The following SPEN variants were observed in gnomAD, a reference collection of about 807,000 sequenced individuals.
SPEN encodes the protein msx2-interacting protein.
In SPEN, 18 loss-of-function variants were observed where a neutral mutation model predicts 269.9. The observed-to-expected ratio is 0.07, with a 90% confidence interval of 0.05 to 0.10. The LOEUF (loss-of-function observed/expected upper bound fraction) is 0.10, where lower values mean the gene tolerates loss of function less well. Among genes scored for constraint, SPEN ranks in the 10% least tolerant of loss-of-function variants. SPEN has a pLI of 1.00. For synonymous variants in SPEN, 1,726 were observed against 1,765.7 expected (o/e 0.98, Z 0.56); for missense variants, 3,822 against 4,631.2 (o/e 0.83, Z 5.07).
rs2070304960 is a variant in SPEN, at chr1:15,848,911, C to T, written c.83+761C>T. 6.6e-6 allele frequency among the ~76,000 whole-genome samples: 1 copy of T among 152,138 alleles called. No individual in the cohort carries two copies. The highest frequency in any genetic ancestry group is 2.4e-5 in the African/African-American group (1 of 41,422). ...TCGCACTCCCAGGCCGCCCTAAGAC[C>T]CTGGTGCCCCCCACCCCTGAATTCC... On this transcript the variant is annotated intron_variant, in intron 1 of 14. Transcript: ENST00000375759. The surrounding 1 kb of genome is among the most constrained non-coding windows in gnomAD (Gnocchi z 5.1).
rs1336582924 is a variant in SPEN at position 15,931,284 on chromosome 1, G to A, written c.5044G>A (p.Glu1682Lys). The A allele has an allele frequency of 6.2e-7, 1 of 1,614,166 alleles. No homozygotes were observed. The highest frequency in any genetic ancestry group is 8.5e-7 in the Non-Finnish European group (1 of 1,180,034). The stretch of plus-strand genomic sequence containing the variant: ...TGTGGAGCCAGCTACCGTCTCAGAA[G>A]AAGCAAAGCCTGCATCTGAACCTGC... ...KTVEPATVSE[E>K]AKPASEPAPA... is the part of the protein sequence containing the mutation. Residue 1682 changes from glutamate to lysine, a missense_variant, in exon 11 of 15, where the codon GAA (glutamate) becomes AAA (lysine). Glu to Lys is a moderately conservative substitution (Grantham distance 56, BLOSUM62 1). This residue lies in a region of SPEN where 533 missense variants were observed against 618.8 expected (regional missense o/e 0.86). Coordinates refer to ENST00000375759, the MANE Select transcript of SPEN (RefSeq NM_015001.3). This position sits in a 1 kb window ranked among gnomAD's most constrained non-coding sequence, Gnocchi z 4.8.
At position 15,876,644 on chromosome 1, in the gene SPEN, T is replaced by C. The variant is rs1403580388; in HGVS notation, c.847T>C (p.Ser283Pro). The C allele has an allele frequency of 6.2e-7, 1 of 1,613,512 alleles. No individual in the cohort carries two copies. The highest frequency in any genetic ancestry group is 1.3e-5 in the African/African-American group (1 of 75,036). ...GSRSRSSSSDSISSSSSTSSD... is the reference protein window; with the variant it reads ...GSRSRSSSSDPISSSSSTSSD... ...TAGAAGTAGATCCTCCAGTAGTGAT[T>C]CAATCAGCAGCAGCAGTAGTACCAG... The change falls in exon 3 of 15, where the codon TCA (serine) becomes CCA (proline). Residue 283 changes from serine (S) to proline (P), a missense_variant. Physicochemically the swap from Ser to Pro is moderately conservative, Grantham distance 74. Around this residue, in one of 16 missense-constraint regions of SPEN, gnomAD observed 327 missense variants for 350.8 expected, o/e 0.93. Coordinates refer to ENST00000375759, the MANE Select transcript of SPEN (RefSeq NM_015001.3).
intron 3 of SPEN, among the ~76,000 whole-genome samples, chr1:15,891,486 G>A (rs1012618879): frequency 6.6e-6 from 1 of 151,672 alleles, no homozygotes; most frequent in Non-Finnish European, 1.5e-5. Flanking sequence ...CGAGTAGCTG[G>A]GACTACAGGC....
rs1408119308 is a variant in SPEN at position 15,938,521 on chromosome 1, A to G, written c.10705-197A>G. The G allele has an allele frequency of 7.5e-6, 4 of 533,526 alleles. No homozygotes were observed. The East Asian group carries it at 1.3e-4, about 18-fold the overall frequency. 33.0% of individuals were successfully genotyped at this position (533,526 alleles called of 1,614,324 possible). On this transcript the variant is annotated intron_variant, in intron 13 of 14. Coordinates refer to ENST00000375759, the MANE Select transcript of SPEN (RefSeq NM_015001.3). ...CAGAAACAAGGCTTTACAGTTTTTA[A>G]AAATTATTATTTTTTAAATCAGCTT...
Position 15,936,229 on chromosome 1 carries a change from C to T in SPEN, c.9989C>T (p.Ser3330Phe), listed in dbSNP as rs771397847. ...CACACTCAGTTTCCCGCCGCTTCCT[C>T]TGTTGGCCTGCCTTCCCGGACCAAG... is the stretch of plus-strand genomic sequence containing the variant. ...LTHTQFPAAS[S>F]VGLPSRTKTA... Residue 3330 changes from serine to phenylalanine, a missense_variant, in exon 11 of 15, where the codon TCT (serine) becomes TTT (phenylalanine). Ser to Phe is a radical substitution (Grantham distance 155). Coordinates refer to ENST00000375759, the MANE Select transcript of SPEN (RefSeq NM_015001.3). 4 of 1,559,850 alleles carry T rather than the reference C, an allele frequency of 2.6e-6. No individual in the cohort carries two copies. Among genetic ancestry groups the T allele is most frequent in the Non-Finnish European group, 3.5e-6 (4 of 1,145,246 alleles).
chr1:15,936,369 G>C (rs185654876), intron 11 of SPEN, 103 bp downstream of exon 11: 2 of 1,411,284 alleles, frequency 1.4e-6, no homozygotes, highest in Non-Finnish European at 1.9e-6. Context: ...GGCCAGGTGT[G>C]GTGGCTTATG....
In SPEN at chr1:15,935,723, T is replaced by C. The variant is rs1246522977; in HGVS notation, c.9483T>C (p.His3161=). ...ASQHPPEEEV[H]YHLPVARATA... is the part of the protein sequence containing the mutation. ...AGCACCCTCCCGAGGAGGAAGTGCA[T>C]TATCACCTTCCTGTCGCTCGAGCCA... The change falls in exon 11 of 15, where the codon CAT becomes CAC. Residue 3161 remains histidine, a synonymous_variant. Coordinates refer to ENST00000375759, the MANE Select transcript of SPEN (RefSeq NM_015001.3). The surrounding 1 kb of genome is among the most constrained non-coding windows in gnomAD (Gnocchi z 7.7). 7 of 1,613,282 alleles carry C rather than the reference T, an allele frequency of 4.3e-6. No individual in the cohort carries two copies. The highest frequency in any genetic ancestry group is 5.1e-6 in the Non-Finnish European group (6 of 1,179,634).
rs373142986 is a variant in SPEN at position 15,935,306 on chromosome 1, T to G, written c.9066T>G (p.Asp3022Glu). Residue 3022 changes from aspartate to glutamate, a missense_variant, in exon 11 of 15, where the codon GAT becomes GAG. Transcript: ENST00000375759. This position sits in a 1 kb window ranked among gnomAD's most constrained non-coding sequence, Gnocchi z 7.7. Reference protein sequence around the residue: ...TVSHLAAAKLDAHSPRPSGPG... With the variant: ...TVSHLAAAKLEAHSPRPSGPG... ...CCCATTTGGCAGCTGCAAAGCTAGA[T>G]GCTCATTCTCCTCGACCAAGTGGAC... The G allele has an allele frequency of 2.5e-6, 4 of 1,613,996 alleles. No homozygotes were observed. The African/African-American group carries it at 5.3e-5, about 22-fold the overall frequency.
chr1:15,935,977 C>T lies in SPEN; in HGVS notation c.9737C>T (p.Thr3246Ile), dbSNP rs375236264. ...GATGCCAAAGCTGCCCCCACCCCCACCCCTGCCCCCGTCCCTGTCCCTGTC... is the reference window on the plus strand; with the variant it reads ...GATGCCAAAGCTGCCCCCACCCCCATCCCTGCCCCCGTCCCTGTCCCTGTC... ...TPDAKAAPTPTPAPVPVPVPL... is the reference protein window; with the variant it reads ...TPDAKAAPTPIPAPVPVPVPL... Residue 3246 changes from threonine (T) to isoleucine (I), a missense_variant, in exon 11 of 15, where the codon ACC becomes ATC. Coordinates refer to ENST00000375759, the MANE Select transcript of SPEN (RefSeq NM_015001.3). The surrounding 1 kb of genome is among the most constrained non-coding windows in gnomAD (Gnocchi z 7.7). The T allele has an allele frequency of 3.3e-5, 51 of 1,563,152 alleles. No homozygotes were observed. The highest frequency in any genetic ancestry group is 1.1e-4 in the African/African-American group (8 of 71,570).
At chr1:15,889,119 T>G (rs975408037) in intron 3 of SPEN, among the ~76,000 whole-genome samples, 1 of 151,812 alleles carries the variant, frequency 6.6e-6, no homozygotes, top group South Asian at 2.1e-4. Context: ...GTAGGAATTC[T>G]CATTTTAAAA....
intron 3 of SPEN, among the ~76,000 whole-genome samples, chr1:15,901,996 T>G (rs944226523): frequency 3.3e-5 from 5 of 150,252 alleles, no homozygotes; most frequent in Non-Finnish European, 7.4e-5. Context: ...TGGCATGATT[T>G]CGGCTCGCTG....
At position 15,870,023 on chromosome 1, in the gene SPEN, C is replaced by G. The variant is rs535355994; in HGVS notation, c.84-2793C>G. Among the ~76,000 whole-genome samples, 14 of 152,166 alleles carry G rather than the reference C, an allele frequency of 9.2e-5. No homozygotes were observed. The East Asian group carries it at 2.5e-3, about 27-fold the overall frequency. On this transcript the variant is annotated intron_variant, in intron 1 of 14. Transcript: ENST00000375759. ...AGCTGGGATTACAGGCGGGCACCAC[C>G]ATGCCTGGCTAATTTTTGTATTTTT...
At chr1:15,926,046 A>C (rs1038225486) in intron 10 of SPEN, among the ~76,000 whole-genome samples, 1 of 152,194 alleles carries the variant, frequency 6.6e-6, no homozygotes, top group Non-Finnish European at 1.5e-5. Flanking sequence ...CAATTAAACC[A>C]AATATCATAG....
Position 15,939,557 on chromosome 1 carries a change from C to A in SPEN, c.*130C>A. 8.4e-7 allele frequency: 1 copy of A among 1,187,396 alleles called. No individual in the cohort carries two copies. Among genetic ancestry groups the A allele is most frequent in the Non-Finnish European group, 1.1e-6 (1 of 877,404 alleles). The allele number at this position is 1,187,396 out of a possible 1,614,324, so 73.6% of individuals were successfully genotyped here. On this transcript the variant is annotated 3_prime_UTR_variant, in exon 15 of 15. Transcript: ENST00000375759. This position sits in a 1 kb window ranked among gnomAD's most constrained non-coding sequence, Gnocchi z 4.1. ...CCACTGCCAGACGGCCAGCCGTTTGCTGTCCTGCCGCCCGGCTCAGTCGGC... is the reference window on the plus strand; with the variant it reads ...CCACTGCCAGACGGCCAGCCGTTTGATGTCCTGCCGCCCGGCTCAGTCGGC...
At chr1:15,872,070 A>G (rs1303246940) in intron 1 of SPEN, among the ~76,000 whole-genome samples, 1 of 151,726 alleles carries the variant, frequency 6.6e-6, no homozygotes, top group Admixed American at 6.6e-5. Flanking sequence ...CCCCATCTCT[A>G]CTAAAAATAC....
At chr1:15,865,759 C>T (rs2070500299) in intron 1 of SPEN, among the ~76,000 whole-genome samples, 1 of 152,028 alleles carries the variant, frequency 6.6e-6, no homozygotes, top group African/African-American at 2.4e-5. Context: ...GCGTCTCTTT[C>T]CCTTGATTTC....
At position 15,929,448 on chromosome 1, in the gene SPEN, G is replaced by A. The variant is rs1366813006; in HGVS notation, c.3208G>A (p.Ala1070Thr). Residue 1070 changes from alanine to threonine, a missense_variant, in exon 11 of 15, where the codon GCC (alanine) becomes ACC (threonine). By Grantham distance (58) the Ala-to-Thr change is moderately conservative (BLOSUM62 0). Coordinates refer to ENST00000375759, the MANE Select transcript of SPEN (RefSeq NM_015001.3). This position sits in a 1 kb window ranked among gnomAD's most constrained non-coding sequence, Gnocchi z 5.8. ...VASPKDCQEL[A>T]SISVGSGSRP... ...CAGCCCCAAAGACTGTCAGGAGCTT[G>A]CCAGTATTTCTGTTGGGTCTGGCTC... is the stretch of plus-strand genomic sequence containing the variant. 1 of 1,613,460 alleles carries A rather than the reference G, an allele frequency of 6.2e-7. No homozygotes were observed. Among genetic ancestry groups the A allele is most frequent in the East Asian group, 2.2e-5 (1 of 44,880 alleles).
At chr1:15,938,096 A>G in intron 13 of SPEN, 90 bp downstream of exon 13, 1 of 1,175,692 alleles carries the variant, frequency 8.5e-7, no homozygotes, top group Non-Finnish European at 1.2e-6. Context: ...CTGGCCTGTC[A>G]TGGAAGCATT....
chr1:15,923,821 C>T (rs2071141335), intron 10 of SPEN, among the ~76,000 whole-genome samples: 1 of 152,076 alleles, frequency 6.6e-6, no homozygotes, highest in South Asian at 2.1e-4. Flanking sequence ...AGGCGCATGC[C>T]ACCATGCCCG....
Sources: gnomAD v4.1 joint callset for allele counts (sites outside exome capture counted in the v4.1 genomes callset) on GRCh38, gnomAD v4.1.1 for gene constraint, gnomAD v4.1.1 regional missense constraint, Gnocchi (gnomAD v3.1) non-coding constraint, MANE v1.5 for transcripts, NCBI Gene and HGNC (gene_info 2026-07-23, HGNC 2026-07-21) for gene names.